AKAP6: variants seen among roughly 807,000 people sequenced by gnomAD.
AKAP6 encodes the protein A-kinase anchoring protein 6, also known as A-kinase anchor protein 6.
A neutral mutation model predicts 188.5 loss-of-function variants in AKAP6; 58 were observed. The observed-to-expected ratio is 0.31, with a 90% CI of 0.25 to 0.38. The LOEUF is 0.38. Among genes scored for constraint, AKAP6 ranks in the 10% least tolerant of loss-of-function variants. The probability of loss-of-function intolerance (pLI) is 1.00; values close to 1 mark genes in which losing one functional copy is unlikely to be tolerated. For synonymous variants in AKAP6, 989 were observed against 998.6 expected (o/e 0.99, Z 0.18); for missense variants, 2,710 against 2,740.0 (o/e 0.99, Z 0.24).
chr14:32,466,038 A>G (rs1218794047), intron 2 of AKAP6, among the ~76,000 whole-genome samples: 1 of 152,228 alleles, frequency 6.6e-6, no homozygotes, highest in African/African-American at 2.4e-5. Context: ...ACCACCTCAC[A>G]CCAGTTAGAA....
intron 1 of AKAP6, among the ~76,000 whole-genome samples, chr14:32,340,960 G>A (rs1886870097): frequency 6.6e-6 from 1 of 152,168 alleles, no homozygotes; most frequent in Non-Finnish European, 1.5e-5. Context: ...CATCACCTTG[G>A]GGGTTAGGAT....
At chr14:32,362,544 G>A (rs1012392504) in intron 1 of AKAP6, among the ~76,000 whole-genome samples, 1 of 152,190 alleles carries the variant, frequency 6.6e-6, no homozygotes, top group Admixed American at 6.5e-5. Flanking sequence ...TGTTTGAGGA[G>A]GAGAGGGAAT....
chr14:32,813,395 C>CT (rs375061629), intron 12 of AKAP6, among the ~76,000 whole-genome samples: 2 of 119,562 alleles, frequency 1.7e-5, no homozygotes, highest in African/African-American at 3.4e-5. Context: ...CCCTACCCCC[C>CT]CCCCCAACCC....
chr14:32,714,303 G>A (rs536259597), intron 9 of AKAP6, among the ~76,000 whole-genome samples: 29 of 151,894 alleles, frequency 1.9e-4, no homozygotes, highest in Admixed American at 3.9e-4. Context: ...AAAATGTAAC[G>A]CAGAGATACA....
intron 12 of AKAP6, among the ~76,000 whole-genome samples, chr14:32,813,392 C>CT (rs560248134): frequency 1.8e-5 from 2 of 111,404 alleles, no homozygotes; most frequent in South Asian, 4.2e-4. Flanking sequence ...TAACCCTACC[C>CT]CCCCCCCCAA....
At chr14:32,786,318 T>TTTTTTTTTTTTTTTTTTTTTTTTTTTTG (rs2033415467) in intron 12 of AKAP6, among the ~76,000 whole-genome samples, 1 of 111,014 alleles carries the variant, frequency 9.0e-6, no homozygotes, top group Admixed American at 9.6e-5. Flanking sequence ...TTTTTTTTTT[T>TTTTTTTTTTTTTTTTTTTTTTTTTTTTG]TTTTTTTGAG....
At chr14:32,434,150 T>C (rs1017327252) in intron 2 of AKAP6, among the ~76,000 whole-genome samples, 1 of 152,186 alleles carries the variant, frequency 6.6e-6, no homozygotes, top group Non-Finnish European at 1.5e-5. Context: ...AAGACTCTTA[T>C]AGGTAAAATA....
At chr14:32,826,152 C>A (rs935486205) in intron 13 of AKAP6, among the ~76,000 whole-genome samples, 1 of 150,504 alleles carries the variant, frequency 6.6e-6, no homozygotes, top group Non-Finnish European at 1.5e-5. Context: ...TGTAGAGCTG[C>A]TAGAAATGGG....
intron 9 of AKAP6, among the ~76,000 whole-genome samples, chr14:32,727,270 T>C (rs901496264): frequency 6.6e-6 from 1 of 152,108 alleles, no homozygotes; most frequent in Non-Finnish European, 1.5e-5. Context: ...GACATGAAAG[T>C]TTTCAGTTAT....
At chr14:32,451,256 G>A (rs532174039) in intron 2 of AKAP6, among the ~76,000 whole-genome samples, 34 of 152,246 alleles carry the variant, frequency 2.2e-4, no homozygotes, top group African/African-American at 7.7e-4. Flanking sequence ...GAAAACATGA[G>A]CTTCCTAATT....
At chr14:32,753,926 C>CAG (rs1156651623) in intron 11 of AKAP6, among the ~76,000 whole-genome samples, 1 of 151,930 alleles carries the variant, frequency 6.6e-6, no homozygotes, top group Non-Finnish European at 1.5e-5. Context: ...ATTACTATAG[C>CAG]TTTGTGGTAT....
intron 1 of AKAP6, among the ~76,000 whole-genome samples, chr14:32,430,553 C>T (rs557759354): frequency 3.9e-5 from 6 of 152,006 alleles, no homozygotes; most frequent in Non-Finnish European, 7.4e-5. Flanking sequence ...CAGGGTTTTG[C>T]GGTGAGTGTG....
At chr14:32,334,429 T>C (rs12895835) in intron 1 of AKAP6, among the ~76,000 whole-genome samples, 3,029 of 152,258 alleles carry the variant, frequency 0.02, 43 homozygotes, top group Non-Finnish European at 0.033. Flanking sequence ...ATCAACTATC[T>C]CGCTATCATA....
intron 4 of AKAP6, among the ~76,000 whole-genome samples, chr14:32,558,956 A>G (rs765988702): frequency 1.3e-5 from 2 of 152,224 alleles, no homozygotes; most frequent in African/African-American, 4.8e-5. Context: ...TAAGCTATGA[A>G]TATTGGGAGG....
At chr14:32,684,655 C>G (rs145978852) in intron 8 of AKAP6, among the ~76,000 whole-genome samples, 7 of 151,730 alleles carry the variant, frequency 4.6e-5, no homozygotes, top group Non-Finnish European at 8.8e-5. Context: ...TACTTTTTAG[C>G]TATGGAACCT....
chr14:32,517,222 G>A (rs1352535281), intron 2 of AKAP6, among the ~76,000 whole-genome samples: 1 of 152,294 alleles, frequency 6.6e-6, no homozygotes, highest in African/African-American at 2.4e-5. Context: ...TTACCTGTAT[G>A]AGCAAATAGT....
chr14:32,697,564 A>T (rs1001232916), intron 9 of AKAP6, among the ~76,000 whole-genome samples: 1 of 152,210 alleles, frequency 6.6e-6, no homozygotes, highest in African/African-American at 2.4e-5. Flanking sequence ...TATCCCTAAG[A>T]CTTAAGTATT....
intron 8 of AKAP6, among the ~76,000 whole-genome samples, chr14:32,690,216 G>A (rs931344183): frequency 1.3e-5 from 2 of 150,480 alleles, no homozygotes; most frequent in African/African-American, 4.9e-5. Flanking sequence ...TTCTTAATTT[G>A]GTTGTCTGTT....
intron 3 of AKAP6, among the ~76,000 whole-genome samples, chr14:32,540,555 C>T (rs181947957): frequency 6.0e-4 from 91 of 152,034 alleles, no homozygotes; most frequent in Non-Finnish European, 9.0e-4. Flanking sequence ...CATGGCTAGG[C>T]GGCTCTCACC....
Sources: gnomAD v4.1 joint callset for allele counts (sites outside exome capture counted in the v4.1 genomes callset) on GRCh38, gnomAD v4.1.1 for gene constraint, MANE v1.5 for transcripts, NCBI Gene and HGNC (gene_info 2026-07-23, HGNC 2026-07-21) for gene names.